ITGAL: variants seen among roughly 807,000 people sequenced by gnomAD.
ITGAL encodes the protein integrin alpha-L.
In ITGAL, 68 loss-of-function variants were observed where a neutral mutation model predicts 138.4. The observed-to-expected ratio is 0.49, with a 90% CI of 0.40 to 0.60. The LOEUF (loss-of-function observed/expected upper bound fraction) is 0.60, where lower values mean the gene tolerates loss of function less well. Among genes scored for constraint, ITGAL ranks in the 20% least tolerant of loss-of-function variants. ITGAL has a pLI of 0.00. For synonymous variants in ITGAL, 561 were observed against 584.3 expected (o/e 0.96, Z 0.57); for missense variants, 1,256 against 1,478.6 (o/e 0.85, Z 2.47).
chr16:30,491,417 GA>G (rs1452586621), intron 11 of ITGAL, among the ~76,000 whole-genome samples: 3 of 151,634 alleles, frequency 2.0e-5, no homozygotes, highest in African/African-American at 7.3e-5. Context: ...AAAGAAAAAA[GA>G]AAAAAAGTTT....
In ITGAL at chr16:30,481,425, C is replaced by G. The variant is rs1162564429; in HGVS notation, c.577-14C>G. 1 of 1,600,690 alleles carries G rather than the reference C, an allele frequency of 6.2e-7. No individual in the cohort carries two copies. Among genetic ancestry groups the G allele is most frequent in the South Asian group, 1.1e-5 (1 of 90,064 alleles). ...GATATATAACTGAATGTCATTTCTT[C>G]CTTCCTTTTCTAGTTTGCTGCTGTT... On this transcript the variant is annotated splice_polypyrimidine_tract_variant and intron_variant, in intron 6 of 30. Transcript: ENST00000356798.
chr16:30,500,586 A>G, intron 17 of ITGAL, among the ~76,000 whole-genome samples: 1 of 151,864 alleles, frequency 6.6e-6, no homozygotes, highest in Non-Finnish European at 1.5e-5. Context: ...GCCTTGCTCT[A>G]TCGTCCAGGC....
In ITGAL at chr16:30,484,274, G is replaced by A; in HGVS notation, c.1006+11G>A. 1 of 1,609,498 alleles carries A rather than the reference G, an allele frequency of 6.2e-7. No homozygotes were observed. The highest frequency in any genetic ancestry group is 1.3e-5 in the African/African-American group (1 of 74,954). On this transcript the variant is annotated intron_variant, in intron 9 of 30. Transcript: ENST00000356798. ...TCTATGTCATTGAGGGTGAGTGGCA[G>A]GCCCTGGGAGAGGGCTCGGGAGTCT...
At chr16:30,482,042 C>T (rs1006476113) in intron 7 of ITGAL, among the ~76,000 whole-genome samples, 1 of 152,094 alleles carries the variant, frequency 6.6e-6, no homozygotes, top group Non-Finnish European at 1.5e-5. Context: ...CAGACCTGTG[C>T]CACCACGCCT....
intron 9 of ITGAL, 56 bp from the exon 10 acceptor site, chr16:30,489,026 T>C: frequency 6.8e-7 from 1 of 1,469,216 alleles, no homozygotes; most frequent in African/African-American, 1.4e-5. Context: ...GCCATGAATT[T>C]TTTTCACTGC....
intron 9 of ITGAL, among the ~76,000 whole-genome samples, chr16:30,484,649 T>C (rs1176773154): frequency 2.0e-5 from 3 of 151,572 alleles, no homozygotes; most frequent in Non-Finnish European, 4.4e-5. Context: ...CCGGACGCGG[T>C]GGCTCACACC....
Position 30,511,177 on chromosome 16 carries a change from C to T in ITGAL, c.2786+41C>T, listed in dbSNP as rs746284274. The T allele has an allele frequency of 2.9e-5, 43 of 1,494,458 alleles. 1 individual carries two copies. The highest frequency in any genetic ancestry group is 2.1e-4 in the South Asian group (19 of 88,688). 92.6% of individuals were successfully genotyped at this position (1,494,458 alleles called of 1,614,324 possible). On this transcript the variant is annotated intron_variant, in intron 24 of 30. Transcript: ENST00000356798. ...CAGACAGCCAACCCTCTCCTCCCAC[C>T]GCAGCCTCCCAACCCAGGGCCCCGA... is the stretch of plus-strand genomic sequence containing the variant.
In ITGAL at chr16:30,494,017, G is replaced by A. The variant is rs773949381; in HGVS notation, c.1214-195G>A. ...CTGGGTGTGCATGTCACCCACAGTT[G>A]AAGACATGCCATCCCCAAGATGGCA... On this transcript the variant is annotated intron_variant, in intron 11 of 30. Coordinates refer to ENST00000356798, the MANE Select transcript of ITGAL (RefSeq NM_002209.3). The surrounding 1 kb of genome is among the most constrained non-coding windows in gnomAD (Gnocchi z 4.2). Among the ~76,000 whole-genome samples the A allele has an allele frequency of 1.3e-5, 2 of 152,198 alleles. No homozygotes were observed. The highest frequency in any genetic ancestry group is 2.9e-5 in the Non-Finnish European group (2 of 68,034).
In ITGAL at chr16:30,499,389, C is replaced by T. The variant is rs1410328995; in HGVS notation, c.2045C>T (p.Thr682Ile). The T allele has an allele frequency of 1.9e-6, 3 of 1,614,054 alleles. No individual in the cohort carries two copies. The highest frequency in any genetic ancestry group is 1.7e-6 in the Non-Finnish European group (2 of 1,180,016). The change falls in exon 17 of 31, where the codon ACC becomes ATC. Residue 682 changes from threonine (T) to isoleucine (I), a missense_variant. Thr to Ile is a moderately conservative substitution (Grantham distance 89). Coordinates refer to ENST00000356798, the MANE Select transcript of ITGAL (RefSeq NM_002209.3). ...TYTLQLDGHR[T>I]RRRGLFPGGR... ...ACTCTGCAGCTGGATGGCCACCGGA[C>T]CAGAAGACGGGGGTTGTTCCCAGGA...
chr16:30,519,919 C>T lies in ITGAL; in HGVS notation c.3291C>T (p.Gly1097=). The T allele has an allele frequency of 6.2e-7, 1 of 1,613,932 alleles. No homozygotes were observed. Among genetic ancestry groups the T allele is most frequent in the Admixed American group, 1.7e-5 (1 of 60,000 alleles). Residue 1097 remains glycine, a synonymous_variant, in exon 30 of 31, where the codon GGC becomes GGT. Coordinates refer to ENST00000356798, the MANE Select transcript of ITGAL (RefSeq NM_002209.3). ...TGCTCTACCTCTACGTGCTGAGCGG[C>T]ATCGGGGGGCTGCTGCTGCTGCTGC... ...KQMLYLYVLS[G]IGGLLLLLLI...
chr16:30,494,752 G>T lies in ITGAL; in HGVS notation c.1405G>T (p.Val469Leu). The T allele has an allele frequency of 6.2e-7, 1 of 1,613,102 alleles. No homozygotes were observed. The highest frequency in any genetic ancestry group is 1.3e-5 in the African/African-American group (1 of 75,008). The change falls in exon 13 of 31, where the codon GTG (valine) becomes TTG (leucine). Residue 469 changes from valine (V) to leucine (L), a missense_variant. By Grantham distance (32) the Val-to-Leu change is conservative. Around this residue, in one of 3 missense-constraint regions of ITGAL, gnomAD observed 867 missense variants for 972.5 expected, o/e 0.89. Coordinates refer to ENST00000356798, the MANE Select transcript of ITGAL (RefSeq NM_002209.3). The surrounding 1 kb of genome is among the most constrained non-coding windows in gnomAD (Gnocchi z 4.2). ...YFGGELCGVD[V>L]DQDGETELLL... ...CGGTGGGGAGCTGTGTGGCGTCGAC[G>T]TGGACCAAGATGGGGAGACAGAGCT...
chr16:30,482,422 G>A (rs1385631242), intron 7 of ITGAL, among the ~76,000 whole-genome samples: 1 of 152,166 alleles, frequency 6.6e-6, no homozygotes, highest in Non-Finnish European at 1.5e-5. Context: ...ACCATAGTGA[G>A]GACTTTGGCT....
Position 30,521,540 on chromosome 16 carries a change from GGT to G in ITGAL, c.3391_3392del (p.Val1131ProfsTer10). 6.2e-7 allele frequency: 1 copy of G among 1,614,240 alleles called. No individual in the cohort carries two copies. The highest frequency in any genetic ancestry group is 2.2e-5 in the East Asian group (1 of 44,890). On this transcript the variant is annotated frameshift_variant, in exon 31 of 31. Transcript: ENST00000356798. LOFTEE classifies it low-confidence loss of function (END_TRUNC). The stretch of plus-strand genomic sequence containing the variant: ...GAAGGAGAAGATGGAGGCTGGCAGA[GGT>G]GTCCCGAATGGAATCCCTGCAGAAG... ...NLKEKMEAGR[G>X]VPNGIPAEDS...
intron 18 of ITGAL, chr16:30,505,036 A>AAAT: frequency 2.6e-6 from 1 of 381,458 alleles, no homozygotes; most frequent in Non-Finnish European, 4.7e-6. Context: ...AAAAAAAAAA[A>AAAT]GAGCTGCCAG....
chr16:30,504,293 G>A, intron 18 of ITGAL, 29 bp downstream of exon 18: 3 of 1,534,282 alleles, frequency 2.0e-6, no homozygotes, highest in Non-Finnish European at 2.7e-6. Context: ...GGATGGTGGG[G>A]AGTTTATCAG....
chr16:30,497,313 A>G (rs2050816371), intron 15 of ITGAL, among the ~76,000 whole-genome samples: 1 of 151,216 alleles, frequency 6.6e-6, no homozygotes, highest in Non-Finnish European at 1.5e-5. Context: ...CCTGCACTCC[A>G]GCCTGGGTGA....
chr16:30,514,813 CTTTTTTCTTTTCT>C, intron 25 of ITGAL, among the ~76,000 whole-genome samples: 1 of 147,920 alleles, frequency 6.8e-6, no homozygotes, highest in South Asian at 2.2e-4. Flanking sequence ...TTTACCTTTT[CTTTTTTCTTTTCT>C]TTTTTTTTTT....
At chr16:30,504,786 G>C (rs1406887373) in intron 18 of ITGAL, 3 of 154,654 alleles carry the variant, frequency 1.9e-5, no homozygotes, top group East Asian at 1.9e-4. Flanking sequence ...GAAGGCTGAG[G>C]GGGGTGGATT....
chr16:30,517,120 C>CCCT, intron 26 of ITGAL, 34 bp downstream of exon 26: 1 of 1,413,862 alleles, frequency 7.1e-7, no homozygotes, highest in Non-Finnish European at 9.9e-7. Context: ...GGTCTACCCT[C>CCCT]CTCAGGTCTT....
Sources: gnomAD v4.1 joint callset for allele counts (sites outside exome capture counted in the v4.1 genomes callset) on GRCh38, gnomAD v4.1.1 for gene constraint, gnomAD v4.1.1 regional missense constraint, Gnocchi (gnomAD v3.1) non-coding constraint, MANE v1.5 for transcripts, NCBI Gene and HGNC (gene_info 2026-07-23, HGNC 2026-07-21) for gene names.